The following ARPC5 variants were observed in gnomAD, a reference collection of about 807,000 sequenced individuals.
ARPC5 encodes actin-related protein 2/3 complex subunit 5.
Under a neutral mutation model 15.4 loss-of-function variants are expected in ARPC5, and 5 were observed. That is an observed-to-expected ratio of 0.32 (90% CI 0.17 to 0.68). The LOEUF (loss-of-function observed/expected upper bound fraction) is 0.68. Ranked by LOEUF, ARPC5 falls within the 30% of genes least tolerant of loss-of-function variation. ARPC5 has a pLI of 0.71. For missense variants in ARPC5, 138 were observed against 192.8 expected (o/e 0.72, Z 1.68); for synonymous variants, 85 against 72.2 (o/e 1.18, Z -0.90).
Position 183,626,420 on chromosome 1 carries a change from T to C in ARPC5, c.*1112A>G, listed in dbSNP as rs1464123630. On this transcript the variant is annotated 3_prime_UTR_variant, in exon 4 of 4. Coordinates refer to ENST00000359856, the MANE Select transcript of ARPC5 (RefSeq NM_005717.4). The stretch of plus-strand genomic sequence containing the variant: ...TTGTTTTAGAGCTACTCGATATTTA[T>C]AACTTTTTATAAGCACCGGTCATTT... 1.3e-5 allele frequency: 2 copies of C among 152,400 alleles called. No individual in the cohort carries two copies. Among genetic ancestry groups the C allele is most frequent in the Non-Finnish European group, 1.5e-5 (1 of 68,044 alleles). The allele number at this position is 152,400 out of a possible 1,614,324, so 9.4% of individuals were successfully genotyped here.
At position 183,625,414 on chromosome 1, in the gene ARPC5, A is replaced by T. The variant is rs1343650648; in HGVS notation, c.*2118T>A. 1 of 152,256 alleles carries T rather than the reference A, an allele frequency of 6.6e-6. No individual in the cohort carries two copies. The highest frequency in any genetic ancestry group is 1.9e-4 in the East Asian group (1 of 5,202). The allele number at this position is 152,256 out of a possible 1,614,324, so 9.4% of individuals were successfully genotyped here. A position where few individuals can be genotyped will look rare whatever the true frequency, so the allele number is the denominator to read the frequency against. ...AATACACCCACCCATTCTTGTGAAC[A>T]AATATGAACTCCAGAATTTTTCCAA... On this transcript the variant is annotated 3_prime_UTR_variant, in exon 4 of 4. Transcript: ENST00000359856.
intron 2 of ARPC5, chr1:183,632,862 C>T (rs1305605964): frequency 5.3e-6 from 2 of 375,466 alleles, no homozygotes; most frequent in Admixed American, 4.8e-5. Flanking sequence ...AATGATTTCA[C>T]TATCGTTTGA....
rs1415573500 is a variant in ARPC5 at position 183,622,973 on chromosome 1, G to A, written c.*4559C>T. On this transcript the variant is annotated 3_prime_UTR_variant, in exon 4 of 4. Coordinates refer to ENST00000359856, the MANE Select transcript of ARPC5 (RefSeq NM_005717.4). Reference sequence around the variant, plus strand: ...TGTGTATAAATTAAGGATTTCTTAGGTGACTTGGCTCGTTCAATGTTATGC... The same window carrying A: ...TGTGTATAAATTAAGGATTTCTTAGATGACTTGGCTCGTTCAATGTTATGC... The A allele has an allele frequency of 1.9e-5, 3 of 161,170 alleles. No individual in the cohort carries two copies. Among genetic ancestry groups the A allele is most frequent in the East Asian group, 3.5e-4 (2 of 5,732 alleles). 10.0% of individuals were successfully genotyped at this position (161,170 alleles called of 1,614,324 possible).
intron 2 of ARPC5, 108 bp from the exon 3 acceptor site, chr1:183,630,745 G>C (rs983479034): frequency 1.0e-5 from 11 of 1,056,562 alleles, no homozygotes; most frequent in Non-Finnish European, 1.3e-5. Flanking sequence ...GGACCTGAAG[G>C]ACGTGAAAGA....
chr1:183,621,069 A>C lies in ARPC5; in HGVS notation c.*6463T>G, dbSNP rs955857540. Reference sequence around the variant, plus strand: ...TGTGCAATCTCATTTACATTAAGAGAAATGCAAATATATGATACCATTTTT... The same window carrying C: ...TGTGCAATCTCATTTACATTAAGAGCAATGCAAATATATGATACCATTTTT... On this transcript the variant is annotated 3_prime_UTR_variant, in exon 4 of 4. Coordinates refer to ENST00000359856, the MANE Select transcript of ARPC5 (RefSeq NM_005717.4). 5.3e-5 allele frequency: 8 copies of C among 152,330 alleles called. No individual in the cohort carries two copies. The highest frequency in any genetic ancestry group is 3.4e-3 in the Middle Eastern group (1 of 294). 9.4% of individuals were successfully genotyped at this position (152,330 alleles called of 1,614,324 possible).
rs1158879512 is a variant in ARPC5, at chr1:183,626,342, G to A, written c.*1190C>T. 1 of 152,206 alleles carries A rather than the reference G, an allele frequency of 6.6e-6. No individual in the cohort carries two copies. Among genetic ancestry groups the A allele is most frequent in the Non-Finnish European group, 1.5e-5 (1 of 68,040 alleles). 9.4% of individuals were successfully genotyped at this position (152,206 alleles called of 1,614,324 possible). On this transcript the variant is annotated 3_prime_UTR_variant, in exon 4 of 4. Transcript: ENST00000359856. The stretch of plus-strand genomic sequence containing the variant: ...CACATAAGTCAGTGATTACAAAACT[G>A]GCATCCAATGTAAATACTAAGCACA...
intron 3 of ARPC5, among the ~76,000 whole-genome samples, chr1:183,629,023 T>G (rs1649188842): frequency 6.6e-6 from 1 of 152,212 alleles, no homozygotes; most frequent in Admixed American, 6.5e-5. Flanking sequence ...TGTGAACAGC[T>G]GCATTAGATA....
chr1:183,630,680 TGAG>T (rs1233829958), intron 2 of ARPC5, 43 bp from the exon 3 acceptor site: 1 of 1,557,480 alleles, frequency 6.4e-7, no homozygotes, highest in East Asian at 2.3e-5. Context: ...CATATCTGTA[TGAG>T]GAGGGTTTAG....
intron 3 of ARPC5, among the ~76,000 whole-genome samples, chr1:183,630,153 T>G (rs983280236): frequency 5.3e-5 from 8 of 152,230 alleles, no homozygotes; most frequent in Non-Finnish European, 1.2e-4. Context: ...TGTTTTCACC[T>G]TTTGGTCACT....
chr1:183,633,404 C>G lies in ARPC5; in HGVS notation c.144-250G>C, dbSNP rs1207077584. On this transcript the variant is annotated intron_variant, in intron 1 of 3. Coordinates refer to ENST00000359856, the MANE Select transcript of ARPC5 (RefSeq NM_005717.4). Reference sequence around the variant, plus strand: ...CTTGGTTCTAACTATCAAGTGAACACCTTGATAGTCTTTCATTTCCCAGTG... The same window carrying G: ...CTTGGTTCTAACTATCAAGTGAACAGCTTGATAGTCTTTCATTTCCCAGTG... 9 of 276,456 alleles carry G rather than the reference C, an allele frequency of 3.3e-5. No individual in the cohort carries two copies. The East Asian group carries it at 5.7e-4, about 18-fold the overall frequency. 17.1% of individuals were successfully genotyped at this position (276,456 alleles called of 1,614,324 possible). A position where few individuals can be genotyped will look rare whatever the true frequency, so the allele number is the denominator to read the frequency against.
intron 2 of ARPC5, chr1:183,632,694 A>G (rs1649301203): frequency 6.4e-6 from 1 of 155,508 alleles, no homozygotes; most frequent in African/African-American, 2.4e-5. Context: ...TAACCTTCTC[A>G]TATGTCTGAG....
chr1:183,635,428 T>A, intron 1 of ARPC5, 89 bp downstream of exon 1: 1 of 1,417,278 alleles, frequency 7.1e-7, no homozygotes, highest in South Asian at 1.4e-5. Flanking sequence ...TCCGCGCCGG[T>A]GCCCCGCGGA....
chr1:183,624,749 A>G lies in ARPC5; in HGVS notation c.*2783T>C, dbSNP rs989542911. The G allele has an allele frequency of 6.6e-6, 1 of 152,190 alleles. No homozygotes were observed. Among genetic ancestry groups the G allele is most frequent in the Non-Finnish European group, 1.5e-5 (1 of 68,036 alleles). The allele number at this position is 152,190 out of a possible 1,614,324, so 9.4% of individuals were successfully genotyped here. The stretch of plus-strand genomic sequence containing the variant: ...ATTGACTAACTGCATTTACAGTCAA[A>G]TGCTAAATTGTATGACGTTAATTCT... On this transcript the variant is annotated 3_prime_UTR_variant, in exon 4 of 4. Coordinates refer to ENST00000359856, the MANE Select transcript of ARPC5 (RefSeq NM_005717.4).
chr1:183,632,710 TATA>T (rs138160019), intron 2 of ARPC5: 5,687 of 159,666 alleles, frequency 0.036, 339 homozygotes, highest in African/African-American at 0.13. Flanking sequence ...CTGAGCTTTC[TATA>T]ATAAGTATTT....
Position 183,627,421 on chromosome 1 carries a change from C to T in ARPC5, c.*111G>A, listed in dbSNP as rs139141091. On this transcript the variant is annotated 3_prime_UTR_variant, in exon 4 of 4. Coordinates refer to ENST00000359856, the MANE Select transcript of ARPC5 (RefSeq NM_005717.4). ...TTACAGATATGAAAAAGCAAGAAGG[C>T]AAAGCTGAGAGAAACAGATGCTACC... The T allele has an allele frequency of 5.5e-4, 492 of 889,388 alleles. 4 individuals are homozygous for T. In the East Asian group the frequency reaches 0.011, roughly 20 times the overall value. 55.1% of individuals were successfully genotyped at this position (889,388 alleles called of 1,614,324 possible).
At chr1:183,630,411 T>C (rs368828774) in intron 3 of ARPC5, 50 bp downstream of exon 3, 12 of 1,413,110 alleles carry the variant, frequency 8.5e-6, no homozygotes, top group Non-Finnish European at 1.1e-5. Context: ...GTCATTGTCA[T>C]TCCCTATTGT....
intron 3 of ARPC5, among the ~76,000 whole-genome samples, chr1:183,628,061 T>G (rs1272909762): frequency 2.0e-5 from 3 of 150,336 alleles, no homozygotes; most frequent in Non-Finnish European, 4.4e-5. Context: ...TAGTCCCAGC[T>G]ACTCGGGAGG....
chr1:183,627,982 G>C (rs1376998111), intron 3 of ARPC5, among the ~76,000 whole-genome samples: 1 of 151,836 alleles, frequency 6.6e-6, no homozygotes, highest in African/African-American at 2.4e-5. Context: ...GACCATCCTG[G>C]CTAACATGGT....
chr1:183,628,931 G>C (rs1191886714), intron 3 of ARPC5, among the ~76,000 whole-genome samples: 1 of 152,204 alleles, frequency 6.6e-6, no homozygotes, highest in African/African-American at 2.4e-5. Flanking sequence ...TTGATGGCTG[G>C]GTGGAGAACA....
Sources: allele counts gnomAD v4.1 joint callset (sites outside exome capture counted in the v4.1 genomes callset), GRCh38; gene constraint gnomAD v4.1.1; transcripts MANE v1.5; gene names NCBI Gene and HGNC (gene_info 2026-07-23, HGNC 2026-07-21).